Variants in UGT1A4 observed in about 807,000 individuals in gnomAD.
The protein encoded by UGT1A4 is UDP glucuronosyltransferase family 1 member A4.
UGT1A4 carries 32 observed loss-of-function variants against 41.1 expected under a neutral mutation model. The ratio of observed to expected loss-of-function variants is 0.78; its 90% CI spans 0.59 to 1.05. The LOEUF (loss-of-function observed/expected upper bound fraction) is 1.05, where lower values mean the gene tolerates loss of function less well. Ranked by LOEUF, UGT1A4 falls within the 50% of genes least tolerant of loss-of-function variation. The pLI is 0.00. For missense variants in UGT1A4, 748 were observed against 677.4 expected, an observed-to-expected ratio of 1.10 and a Z score of -1.16; for synonymous variants, 283 against 265.1, an observed-to-expected ratio of 1.07 and a Z score of -0.66.
chr2:233,752,430 A>C (rs1694969387), intron 1 of UGT1A4: 2 of 152,050 alleles, frequency 1.3e-5, no homozygotes, highest in African/African-American at 4.8e-5. Context: ...GATTTATCGA[A>C]CCCTTTTATA....
At chr2:233,729,993 G>C in intron 1 of UGT1A4, 4 of 1,613,886 alleles carry the variant, frequency 2.5e-6, no homozygotes, top group Non-Finnish European at 3.4e-6. Context: ...CACTATCTCA[G>C]GTCTGTATTG....
At position 233,734,054 on chromosome 2, in the gene UGT1A4, T is replaced by C. The variant is rs2078472293; in HGVS notation, c.867+14367T>C. Among the ~76,000 whole-genome samples the C allele has an allele frequency of 9.9e-5, 15 of 152,222 alleles. No homozygotes were observed. The South Asian group carries it at 3.1e-3, about 32-fold the overall frequency. The stretch of plus-strand genomic sequence containing the variant: ...CACACCAACATGGCACATGTATACA[T>C]ATGTAACAAACCTGCACATTGTGCA... On this transcript the variant is annotated intron_variant, in intron 1 of 4. Transcript: ENST00000373409.
chr2:233,746,490 T>C (rs1347659366), intron 1 of UGT1A4, among the ~76,000 whole-genome samples: 2 of 151,808 alleles, frequency 1.3e-5, no homozygotes, highest in Admixed American at 1.3e-4. Flanking sequence ...CATGGACATG[T>C]CACTCTTTAG....
At chr2:233,748,180 G>A in intron 1 of UGT1A4, 2 of 1,578,368 alleles carry the variant, frequency 1.3e-6, no homozygotes, top group South Asian at 2.4e-5. Flanking sequence ...TCTTTCTGGT[G>A]CTTTTATTTC....
At chr2:233,729,022 G>A (rs1236460241) in intron 1 of UGT1A4, 8 of 1,594,664 alleles carry the variant, frequency 5.0e-6, no homozygotes, top group South Asian at 4.6e-5. Flanking sequence ...CCAATTACAC[G>A]TTGATTTGCT....
At chr2:233,747,683 T>C (rs1401123315) in intron 1 of UGT1A4, 4 of 1,608,556 alleles carry the variant, frequency 2.5e-6, no homozygotes, top group Middle Eastern at 1.7e-4. Flanking sequence ...TTTACCTCTG[T>C]GGGGCAGTGC....
In UGT1A4 at chr2:233,719,243, G is replaced by T; in HGVS notation, c.423G>T (p.Leu141=). 6.2e-7 allele frequency: 1 copy of T among 1,614,206 alleles called. No individual in the cohort carries two copies. Among genetic ancestry groups the T allele is most frequent in the South Asian group, 1.1e-5 (1 of 91,074 alleles). The change falls in exon 1 of 5, where the codon CTG becomes CTT. Residue 141 remains leucine, a synonymous_variant. Coordinates refer to ENST00000373409, the MANE Select transcript of UGT1A4 (RefSeq NM_007120.3). ...LLHNEALIRH[L]NATSFDVVLT... ...ATAATGAGGCCCTGATCAGGCACCTGAATGCTACTTCCTTTGATGTGGTTT... is the reference window on the plus strand; with the variant it reads ...ATAATGAGGCCCTGATCAGGCACCTTAATGCTACTTCCTTTGATGTGGTTT...
chr2:233,732,616 A>C (rs1187431518), intron 1 of UGT1A4, among the ~76,000 whole-genome samples: 1 of 152,194 alleles, frequency 6.6e-6, no homozygotes, highest in Non-Finnish European at 1.5e-5. Flanking sequence ...AAATGGTTGT[A>C]GATGTGTGGT....
chr2:233,729,228 G>C (rs752170717), intron 1 of UGT1A4: 18 of 1,614,046 alleles, frequency 1.1e-5, no homozygotes, highest in Non-Finnish European at 1.5e-5. Context: ...TGTTGGTGGT[G>C]CCCATTGATG....
At chr2:233,752,907 C>T (rs1171888690) in intron 1 of UGT1A4, among the ~76,000 whole-genome samples, 1 of 152,232 alleles carries the variant, frequency 6.6e-6, no homozygotes, top group East Asian at 1.9e-4. Flanking sequence ...ACAGATCCAC[C>T]TCTGAGTGAC....
chr2:233,765,829 A>G (rs1183192876), intron 1 of UGT1A4, among the ~76,000 whole-genome samples: 1 of 152,104 alleles, frequency 6.6e-6, no homozygotes, highest in East Asian at 1.9e-4. Flanking sequence ...TGAAACAGGA[A>G]AACTTTCCTT....
At chr2:233,749,420 T>C (rs1003222005) in intron 1 of UGT1A4, among the ~76,000 whole-genome samples, 1 of 151,886 alleles carries the variant, frequency 6.6e-6, no homozygotes, top group Admixed American at 6.5e-5. Flanking sequence ...ACTACATTGC[T>C]CAAAACTTCA....
At chr2:233,723,300 C>G (rs2077076246) in intron 1 of UGT1A4, among the ~76,000 whole-genome samples, 1 of 117,154 alleles carries the variant, frequency 8.5e-6, no homozygotes, top group South Asian at 3.3e-4. Flanking sequence ...ACCTCTGCCT[C>G]CCAGGTTCAA....
At chr2:233,722,458 CTG>C (rs1559367331) in intron 1 of UGT1A4, among the ~76,000 whole-genome samples, 1 of 152,186 alleles carries the variant, frequency 6.6e-6, no homozygotes, top group South Asian at 2.1e-4. Flanking sequence ...AAAGAAATAA[CTG>C]TGGAATTTGT....
intron 1 of UGT1A4, among the ~76,000 whole-genome samples, chr2:233,724,264 C>G (rs1250827727): frequency 2.6e-5 from 3 of 116,548 alleles, no homozygotes; most frequent in Non-Finnish European, 3.6e-5. Context: ...ACCTCCCGGA[C>G]GGGGCGGCTG....
chr2:233,736,362 A>C (rs1213397450), intron 1 of UGT1A4, among the ~76,000 whole-genome samples: 1 of 152,180 alleles, frequency 6.6e-6, no homozygotes, highest in East Asian at 1.9e-4. Context: ...CAGCTCCATC[A>C]GGTCATTTAA....
chr2:233,756,397 G>GTT (rs1005447677), intron 1 of UGT1A4: 1 of 151,856 alleles, frequency 6.6e-6, no homozygotes, highest in African/African-American at 2.4e-5. Flanking sequence ...TACAGTATTG[G>GTT]TTTTTTATTT....
intron 1 of UGT1A4, among the ~76,000 whole-genome samples, chr2:233,764,774 A>C (rs1698642300): frequency 6.6e-6 from 1 of 152,202 alleles, no homozygotes; most frequent in African/African-American, 2.4e-5. Context: ...GAAGGAGTTC[A>C]GAAAAACCAT....
At chr2:233,722,231 T>C (rs1012078678) in intron 1 of UGT1A4, among the ~76,000 whole-genome samples, 1 of 152,246 alleles carries the variant, frequency 6.6e-6, no homozygotes, top group Non-Finnish European at 1.5e-5. Context: ...AAAATCTTTA[T>C]CATGTATTAT....
Sources: allele counts gnomAD v4.1 joint callset (sites outside exome capture counted in the v4.1 genomes callset), GRCh38; gene constraint gnomAD v4.1.1; transcripts MANE v1.5; gene names NCBI Gene and HGNC (gene_info 2026-07-23, HGNC 2026-07-21).